The following ADAM32 variants were observed in gnomAD, a reference collection of about 807,000 sequenced individuals.
The protein encoded by ADAM32 is ADAM metallopeptidase domain 32.
A neutral mutation model predicts 114.9 loss-of-function variants in ADAM32; 89 were observed. That is an observed-to-expected ratio of 0.77 (90% CI 0.65 to 0.92). The LOEUF (loss-of-function observed/expected upper bound fraction) is 0.92. Among genes scored for constraint, ADAM32 ranks in the 40% least tolerant of loss-of-function variants. ADAM32 has a pLI of 0.00. For synonymous variants in ADAM32, 285 were observed against 307.5 expected, an observed-to-expected ratio of 0.93 and a Z score of 0.77; for missense variants, 870 against 932.8, an observed-to-expected ratio of 0.93 and a Z score of 0.88.
intron 6 of ADAM32, among the ~76,000 whole-genome samples, chr8:39,158,933 A>G (rs1228115477): frequency 6.6e-6 from 1 of 151,780 alleles, no homozygotes. Context: ...GGTTTCCTTT[A>G]GTTTTTTTTA....
At chr8:39,270,210 A>T (rs952137849) in intron 19 of ADAM32, among the ~76,000 whole-genome samples, 13 of 152,180 alleles carry the variant, frequency 8.5e-5, no homozygotes, top group Non-Finnish European at 1.6e-4. Context: ...AAATATTTTT[A>T]AAAATTTGCC....
chr8:39,223,001 T>C, intron 13 of ADAM32, 39 bp from the exon 14 acceptor site: 1 of 1,476,612 alleles, frequency 6.8e-7, no homozygotes, highest in South Asian at 1.4e-5. Flanking sequence ...AGTAATCCTA[T>C]TTGTAATGCT....
chr8:39,267,107 TG>T (rs1308633205), intron 19 of ADAM32, among the ~76,000 whole-genome samples: 1 of 152,192 alleles, frequency 6.6e-6, no homozygotes, highest in Non-Finnish European at 1.5e-5. Flanking sequence ...GGGCCAGTGG[TG>T]GGTCCATGTA....
intron 17 of ADAM32, among the ~76,000 whole-genome samples, chr8:39,250,050 G>A (rs754682375): frequency 3.3e-5 from 5 of 151,906 alleles, no homozygotes; most frequent in Non-Finnish European, 7.4e-5. Context: ...TTATGTCTAG[G>A]TATAAATTTT....
At chr8:39,177,191 C>G (rs1346107398) in intron 10 of ADAM32, among the ~76,000 whole-genome samples, 1 of 152,016 alleles carries the variant, frequency 6.6e-6, no homozygotes, top group African/African-American at 2.4e-5. Context: ...TCCCAAGTAG[C>G]TGGGATTACA....
chr8:39,274,030 A>G (rs928262846), intron 20 of ADAM32, among the ~76,000 whole-genome samples: 1 of 152,058 alleles, frequency 6.6e-6, no homozygotes, highest in East Asian at 1.9e-4. Context: ...TTTTTTCTGA[A>G]CGGATCTATA....
chr8:39,252,120 T>A (rs1197721817), intron 17 of ADAM32, among the ~76,000 whole-genome samples: 1 of 151,780 alleles, frequency 6.6e-6, no homozygotes, highest in Non-Finnish European at 1.5e-5. Context: ...TTACTATAGC[T>A]CTGTAGTATA....
Position 39,158,455 on chromosome 8 carries a change from G to T in ADAM32, c.526-2442G>T. On this transcript the variant is annotated intron_variant, in intron 6 of 24. Transcript: ENST00000379907. Reference sequence around the variant, plus strand: ...AGCCCAGGATGCCTACTACCACCATGGGCAGTGTCTCCACAATGGTCATAG... The same window carrying T: ...AGCCCAGGATGCCTACTACCACCATTGGCAGTGTCTCCACAATGGTCATAG... 3 of 223,678 alleles carry T rather than the reference G, an allele frequency of 1.3e-5. No individual in the cohort carries two copies. The South Asian group carries it at 2.0e-4, about 15-fold the overall frequency. 13.9% of individuals were successfully genotyped at this position (223,678 alleles called of 1,614,324 possible). A position where few individuals can be genotyped will look rare whatever the true frequency, so the allele number is the denominator to read the frequency against.
chr8:39,190,339 G>GTGC (rs1222082941), intron 11 of ADAM32, among the ~76,000 whole-genome samples: 1 of 152,172 alleles, frequency 6.6e-6, no homozygotes, highest in Admixed American at 6.5e-5. Context: ...ATTGTGAATA[G>GTGC]TGCTGCAATA....
At chr8:39,245,935 C>A in intron 16 of ADAM32, 148 bp from the exon 17 acceptor site, 16 of 585,408 alleles carry the variant, frequency 2.7e-5, no homozygotes, top group Middle Eastern at 4.6e-4. Context: ...AATAAAACAC[C>A]CTTCTGGAAT....
At chr8:39,229,344 A>G (rs1016600236) in intron 14 of ADAM32, among the ~76,000 whole-genome samples, 9 of 152,234 alleles carry the variant, frequency 5.9e-5, no homozygotes, top group Admixed American at 4.6e-4. Context: ...GGTACCTCAC[A>G]TTTCAATACT....
chr8:39,114,561 A>G (rs984775007), intron 1 of ADAM32, among the ~76,000 whole-genome samples: 3 of 152,168 alleles, frequency 2.0e-5, no homozygotes, highest in African/African-American at 7.2e-5. Context: ...TGTAGGTGAA[A>G]GCATTTTGTT....
chr8:39,209,415 A>C (rs1808062850), intron 11 of ADAM32, among the ~76,000 whole-genome samples: 1 of 152,210 alleles, frequency 6.6e-6, no homozygotes, highest in Admixed American at 6.5e-5. Context: ...GAGCTTCCTC[A>C]AAACATCTAT....
intron 3 of ADAM32, among the ~76,000 whole-genome samples, chr8:39,143,614 G>A (rs1363249264): frequency 6.6e-6 from 1 of 152,048 alleles, no homozygotes; most frequent in Non-Finnish European, 1.5e-5. Flanking sequence ...GCTTGTTTGA[G>A]GTGTCTGTCG....
chr8:39,283,216 T>A lies in ADAM32; in HGVS notation c.2319-370T>A, dbSNP rs540001389. Among the ~76,000 whole-genome samples, 12 of 152,118 alleles carry A rather than the reference T, an allele frequency of 7.9e-5. No individual in the cohort carries two copies. In the South Asian group the frequency reaches 2.5e-3, roughly 32 times the overall value. On this transcript the variant is annotated intron_variant, in intron 23 of 24. Coordinates refer to ENST00000379907, the MANE Select transcript of ADAM32 (RefSeq NM_145004.7). ...TGAGGTCAGGAGTTCAAGACAAGCC[T>A]GGGCAGCAAAGTGAAATCCCATTTC...
At chr8:39,169,205 A>C (rs1805040879) in intron 9 of ADAM32, 1 of 152,178 alleles carries the variant, frequency 6.6e-6, no homozygotes, top group South Asian at 2.1e-4. Flanking sequence ...GGCTCTAAAT[A>C]AGGCAGTAAA....
At chr8:39,137,586 A>T (rs1404579427) in intron 3 of ADAM32, among the ~76,000 whole-genome samples, 2 of 151,996 alleles carry the variant, frequency 1.3e-5, no homozygotes, top group Non-Finnish European at 2.9e-5. Flanking sequence ...CCTGCCCAAC[A>T]TGGTGAAACC....
chr8:39,150,041 TGACCA>T (rs1411419581), intron 5 of ADAM32, among the ~76,000 whole-genome samples, 174 bp downstream of exon 5: 2 of 152,184 alleles, frequency 1.3e-5, no homozygotes, highest in Admixed American at 1.3e-4. Flanking sequence ...CTTTCCTCAG[TGACCA>T]GAGACATTTC....
Position 39,107,997 on chromosome 8 carries a change from C to T in ADAM32, c.58+164C>T. The T allele has an allele frequency of 3.2e-6, 3 of 942,538 alleles. No homozygotes were observed. The South Asian group carries it at 5.8e-5, about 18-fold the overall frequency. 58.4% of individuals were successfully genotyped at this position (942,538 alleles called of 1,614,324 possible). A position where few individuals can be genotyped will look rare whatever the true frequency, so the allele number is the denominator to read the frequency against. ...GCGCCCCGTCCGGATGGAGAAGCGA[C>T]TCAGGGCCCAGCACCAGGGCTCACG... is the stretch of plus-strand genomic sequence containing the variant. On this transcript the variant is annotated intron_variant, in intron 1 of 24. Transcript: ENST00000379907.
Sources: allele counts gnomAD v4.1 joint callset (sites outside exome capture counted in the v4.1 genomes callset), GRCh38; gene constraint gnomAD v4.1.1; transcripts MANE v1.5; gene names NCBI Gene and HGNC (gene_info 2026-07-23, HGNC 2026-07-21).